Variants in SOX6 observed in about 807,000 individuals in gnomAD.
SOX6 encodes the protein SRY-box transcription factor 6.
SOX6 carries 11 observed loss-of-function variants against 97.8 expected under a neutral mutation model. That is an observed-to-expected ratio of 0.11 (90% CI 0.07 to 0.19). The LOEUF is 0.19. Among genes scored for constraint, SOX6 ranks in the 10% least tolerant of loss-of-function variants. The pLI is 1.00. For synonymous variants in SOX6, 360 were observed against 371.4 expected, an observed-to-expected ratio of 0.97 and a Z score of 0.35; for missense variants, 810 against 1,039.5, an observed-to-expected ratio of 0.78 and a Z score of 3.04.
upstream of SOX6, among the ~76,000 whole-genome samples, chr11:16,478,902 T>C (rs1169255576): frequency 6.6e-6 from 1 of 152,226 alleles, no homozygotes; most frequent in Non-Finnish European, 1.5e-5. Context: ...TTACGTGTTC[T>C]GGAAAATCTC....
At chr11:16,229,595 C>G (rs531592834) in intron 4 of SOX6, among the ~76,000 whole-genome samples, 1 of 151,818 alleles carries the variant, frequency 6.6e-6, no homozygotes, top group East Asian at 1.9e-4. Context: ...GGATCTATAA[C>G]AGCAAATAAA....
intron 4 of SOX6, among the ~76,000 whole-genome samples, chr11:16,494,580 A>G (rs1033903885): frequency 6.8e-5 from 10 of 146,150 alleles, no homozygotes; most frequent in Admixed American, 5.4e-4. Context: ...GGCCTCCTAC[A>G]CAAAGAAGAA....
chr11:16,597,218 C>G (rs1229429158), intron 4 of SOX6, among the ~76,000 whole-genome samples: 1 of 151,998 alleles, frequency 6.6e-6, no homozygotes, highest in African/African-American at 2.4e-5. Context: ...GAGACTTTCT[C>G]ATGCCATGGT....
chr11:16,104,080 AAC>A lies in SOX6; in HGVS notation c.899-6394_899-6393del, dbSNP rs1320380086. Among the ~76,000 whole-genome samples, 6 of 152,080 alleles carry A rather than the reference AAC, an allele frequency of 3.9e-5. No homozygotes were observed. The East Asian group carries it at 1.2e-3, about 29-fold the overall frequency. ...GATATAGCCTCCATCTACAGAGGAG[AAC>A]ACAGTTAAGATTATAGACCTTTAAA... On this transcript the variant is annotated intron_variant, in intron 7 of 15. Transcript: ENST00000683767.
chr11:16,643,357 G>A (rs1590032509), intron 3 of SOX6, among the ~76,000 whole-genome samples: 2 of 151,976 alleles, frequency 1.3e-5, no homozygotes, highest in Non-Finnish European at 1.5e-5. Context: ...GCTACTCAGG[G>A]GTCAGGGACC....
chr11:16,204,702 T>G (rs1303227722), intron 4 of SOX6, among the ~76,000 whole-genome samples: 1 of 152,130 alleles, frequency 6.6e-6, no homozygotes. Flanking sequence ...TCTTATCTAT[T>G]AAAAACTAAA....
At chr11:16,432,812 A>G (rs2133077613) in intron 1 of SOX6, among the ~76,000 whole-genome samples, 2 of 152,210 alleles carry the variant, frequency 1.3e-5, no homozygotes, top group African/African-American at 4.8e-5. Context: ...ATGCTGATCT[A>G]GAAAGCATTG....
intron 12 of SOX6, among the ~76,000 whole-genome samples, chr11:16,016,305 G>A (rs567857062): frequency 1.2e-3 from 177 of 151,928 alleles, no homozygotes; most frequent in East Asian, 9.7e-4. Context: ...GTTCCCCTTC[G>A]TCATGGAATA....
intron 3 of SOX6, among the ~76,000 whole-genome samples, chr11:16,695,379 G>A (rs1336623572): frequency 6.6e-6 from 1 of 152,114 alleles, no homozygotes; most frequent in Non-Finnish European, 1.5e-5. Context: ...GCCTAATAGA[G>A]AAGTTAATCA....
At chr11:16,289,907 G>A (rs1476206490) in intron 3 of SOX6, among the ~76,000 whole-genome samples, 4 of 151,972 alleles carry the variant, frequency 2.6e-5, no homozygotes, top group Non-Finnish European at 2.9e-5. Context: ...TTCAAGTATT[G>A]CTACAATGGT....
intron 3 of SOX6, among the ~76,000 whole-genome samples, chr11:16,681,521 T>C (rs879314313): frequency 4.7e-4 from 71 of 152,206 alleles, no homozygotes; most frequent in Non-Finnish European, 1.0e-3. Flanking sequence ...AGATCTAAAA[T>C]TGATACCCTA....
chr11:16,032,326 G>A (rs1163858735), intron 12 of SOX6, among the ~76,000 whole-genome samples: 1 of 152,078 alleles, frequency 6.6e-6, no homozygotes, highest in Non-Finnish European at 1.5e-5. Context: ...TATAATGGGG[G>A]CTAATAAAAG....
At chr11:16,720,296 A>G (rs540592480) in intron 2 of SOX6, among the ~76,000 whole-genome samples, 1 of 144,680 alleles carries the variant, frequency 6.9e-6, no homozygotes, top group Non-Finnish European at 1.5e-5. Context: ...ACCAACCCAA[A>G]TGTCCAACAA....
chr11:16,475,796 TA>T (rs1002766614), intron 1 of SOX6, among the ~76,000 whole-genome samples: 52 of 151,580 alleles, frequency 3.4e-4, no homozygotes, highest in African/African-American at 1.1e-3. Flanking sequence ...CTAATTTGCT[TA>T]AAAAAAAATC....
chr11:16,064,137 T>G (rs1848033160), intron 9 of SOX6, among the ~76,000 whole-genome samples: 1 of 151,762 alleles, frequency 6.6e-6, no homozygotes, highest in Admixed American at 6.6e-5. Context: ...CTAGAAAATG[T>G]CCTTCTCCAA....
At chr11:16,474,288 C>T (rs1860195784) in intron 1 of SOX6, among the ~76,000 whole-genome samples, 1 of 152,118 alleles carries the variant, frequency 6.6e-6, no homozygotes, top group Admixed American at 6.5e-5. Flanking sequence ...TACTTACCCC[C>T]ATGAATCACA....
Position 15,971,053 on chromosome 11 carries a change from G to C in SOX6, c.*1756C>G, listed in dbSNP as rs1282427204. ...CTTCAAAGAAATCCTTGTGTGATAA[G>C]TGCAGTTCATTTTGTTCACACGTAG... is the stretch of plus-strand genomic sequence containing the variant. On this transcript the variant is annotated 3_prime_UTR_variant, in exon 16 of 16. Coordinates refer to ENST00000683767, the MANE Select transcript of SOX6 (RefSeq NM_001367873.1). The C allele has an allele frequency of 6.6e-6, 1 of 152,472 alleles. No homozygotes were observed. The highest frequency in any genetic ancestry group is 6.5e-5 in the Admixed American group (1 of 15,304). The allele number at this position is 152,472 out of a possible 1,614,324, so 9.4% of individuals were successfully genotyped here.
Position 16,594,366 on chromosome 11 carries a change from T to A in SOX6, n.609+17715A>T, listed in dbSNP as rs187795409. Among the ~76,000 whole-genome samples the A allele has an allele frequency of 5.5e-4, 84 of 152,328 alleles. No individual in the cohort carries two copies. The East Asian group carries it at 0.016, about 29-fold the overall frequency. On this transcript the variant is annotated intron_variant and non_coding_transcript_variant, in intron 4 of 5. Transcript: ENST00000524520. ...AAATGGACGCATTCTCTGGATTTACTGTTATCTGTAAACATTTAAAGAATC... is the reference window on the plus strand; with the variant it reads ...AAATGGACGCATTCTCTGGATTTACAGTTATCTGTAAACATTTAAAGAATC...
chr11:16,453,063 A>G (rs183771717), intron 1 of SOX6, among the ~76,000 whole-genome samples: 137 of 152,322 alleles, frequency 9.0e-4, no homozygotes, highest in African/African-American at 3.0e-3. Context: ...ACAGGTGATG[A>G]CATCCTATAA....
Sources: gnomAD v4.1 joint callset for allele counts (sites outside exome capture counted in the v4.1 genomes callset) on GRCh38, gnomAD v4.1.1 for gene constraint, MANE v1.5 for transcripts, NCBI Gene and HGNC (gene_info 2026-07-23, HGNC 2026-07-21) for gene names.